The following PITPNM2 variants were observed in gnomAD, a reference collection of about 807,000 sequenced individuals.
PITPNM2 encodes the protein phosphatidylinositol transfer protein membrane associated 2.
In PITPNM2, 35 loss-of-function variants were observed where a neutral mutation model predicts 132.2. That is an observed-to-expected ratio of 0.26 (90% CI 0.20 to 0.35). The LOEUF (loss-of-function observed/expected upper bound fraction) is 0.35, where lower values mean the gene tolerates loss of function less well. PITPNM2 is among the 10% of genes least tolerant of loss of function. PITPNM2 has a pLI of 1.00. For synonymous variants in PITPNM2, 738 were observed against 799.2 expected (o/e 0.92, Z 1.29); for missense variants, 1,332 against 1,912.0 (o/e 0.70, Z 5.66).
intron 1 of PITPNM2, among the ~76,000 whole-genome samples, chr12:123,140,353 T>G (rs1384692612): frequency 6.6e-6 from 1 of 152,140 alleles, no homozygotes; most frequent in Non-Finnish European, 1.5e-5. Flanking sequence ...AGCCACCAGT[T>G]CCAGCCTCCT....
At position 123,009,779 on chromosome 12, in the gene PITPNM2, G is replaced by T; in HGVS notation, c.643+71C>A. The T allele has an allele frequency of 7.2e-7, 1 of 1,395,104 alleles. No individual in the cohort carries two copies. 86.4% of individuals were successfully genotyped at this position (1,395,104 alleles called of 1,614,324 possible). A position where few individuals can be genotyped will look rare whatever the true frequency, so the allele number is the denominator to read the frequency against. On this transcript the variant is annotated intron_variant, in intron 6 of 25. Coordinates refer to ENST00000320201, the MANE Select transcript of PITPNM2 (RefSeq NM_020845.3). The surrounding 1 kb of genome is among the most constrained non-coding windows in gnomAD (Gnocchi z 4.8). ...GGCAGACATGCAAAGAGAGGAGGCA[G>T]ACAGGCAGGTGACAGGAGACAGAGG...
At chr12:122,988,963 A>C in intron 18 of PITPNM2, 91 bp from the exon 19 acceptor site, 1 of 1,355,372 alleles carries the variant, frequency 7.4e-7, no homozygotes, top group African/African-American at 1.5e-5. Context: ...TGCTCAGCCC[A>C]GCACAGTCCC....
intron 1 of PITPNM2, among the ~76,000 whole-genome samples, chr12:123,139,241 C>G (rs1033769740): frequency 6.6e-6 from 1 of 152,156 alleles, no homozygotes; most frequent in African/African-American, 2.4e-5. Context: ...TGGCTCACAC[C>G]TGTAATCCCA....
At chr12:123,151,665 G>C (rs1024363999), upstream of PITPNM2, among the ~76,000 whole-genome samples, 1 of 152,100 alleles carries the variant, frequency 6.6e-6, no homozygotes, top group South Asian at 2.1e-4. Context: ...AGAGGATCAC[G>C]AACAGTTTAA....
chr12:123,109,803 C>T (rs922545667), intron 2 of PITPNM2, among the ~76,000 whole-genome samples: 2 of 152,214 alleles, frequency 1.3e-5, no homozygotes, highest in Admixed American at 6.5e-5. Context: ...CCGTTGGGGC[C>T]TCAAAGGCTG....
At chr12:123,056,314 G>A (rs1318141381) in intron 2 of PITPNM2, among the ~76,000 whole-genome samples, 1 of 152,234 alleles carries the variant, frequency 6.6e-6, no homozygotes, top group African/African-American at 2.4e-5. Flanking sequence ...CTTAGCCGGA[G>A]CTTTCAGGCA....
At position 123,141,994 on chromosome 12, in the gene PITPNM2, C is replaced by G. The variant is rs2043515819; in HGVS notation, c.-200+8759G>C. 1.3e-5 allele frequency among the ~76,000 whole-genome samples: 2 copies of G among 152,090 alleles called. 1 individual carries two copies. The highest frequency in any genetic ancestry group is 1.3e-4 in the Admixed American group (2 of 15,272). On this transcript the variant is annotated intron_variant, in intron 1 of 25. Transcript: ENST00000320201. ...ACAGAACATTCCTCAGGAAAGAGAACTTTTAGTGGGGGTGTGGTGGGGAGG... is the reference window on the plus strand; with the variant it reads ...ACAGAACATTCCTCAGGAAAGAGAAGTTTTAGTGGGGGTGTGGTGGGGAGG...
rs1253635321 is a variant in PITPNM2, at chr12:123,009,193, C to T, written c.643+657G>A. On this transcript the variant is annotated intron_variant, in intron 6 of 25. Coordinates refer to ENST00000320201, the MANE Select transcript of PITPNM2 (RefSeq NM_020845.3). The surrounding 1 kb of genome is among the most constrained non-coding windows in gnomAD (Gnocchi z 4.8). ...GCTGGGGTGCCTTTTGGGTCATGGG[C>T]CTCAGGGACCGGAACCAGCTCTTGG... is the stretch of plus-strand genomic sequence containing the variant. Among the ~76,000 whole-genome samples the T allele has an allele frequency of 6.6e-6, 1 of 152,164 alleles. No individual in the cohort carries two copies. Among genetic ancestry groups the T allele is most frequent in the Non-Finnish European group, 1.5e-5 (1 of 68,030 alleles).
intron 3 of PITPNM2, among the ~76,000 whole-genome samples, chr12:123,029,823 GT>G (rs2040010164): frequency 7.5e-6 from 1 of 133,662 alleles, no homozygotes; most frequent in Non-Finnish European, 1.6e-5. Context: ...ACACACATAT[GT>G]GTCTGTGTGT....
chr12:123,022,265 C>T lies in PITPNM2; in HGVS notation c.79-8223G>A, dbSNP rs998692821. On this transcript the variant is annotated intron_variant, in intron 3 of 25. Transcript: ENST00000320201. The surrounding 1 kb of genome is among the most constrained non-coding windows in gnomAD (Gnocchi z 4.9). ...GCTAAAAGGACAGGGCAGAGGAGTG[C>T]AGCTGGGTCTCAGCTGTGCCTCTGA... Among the ~76,000 whole-genome samples, 8 of 152,162 alleles carry T rather than the reference C, an allele frequency of 5.3e-5. No individual in the cohort carries two copies. The highest frequency in any genetic ancestry group is 1.2e-4 in the Non-Finnish European group (8 of 68,036).
At position 122,996,510 on chromosome 12, in the gene PITPNM2, G is replaced by A. The variant is rs773679810; in HGVS notation, c.1730C>T (p.Pro577Leu). Residue 577 changes from proline to leucine, a missense_variant, in exon 13 of 26, where the codon CCG (proline) becomes CTG (leucine). By Grantham distance (98) the Pro-to-Leu change is moderately conservative. Coordinates refer to ENST00000320201, the MANE Select transcript of PITPNM2 (RefSeq NM_020845.3). ...GCTGCTGCTCTGACTCTCAGACACC[G>A]GCTGGTTACTGTAGCACAGGGCATC... ...AFDALCYSNQ[P>L]VSESQSSSRR... The A allele has an allele frequency of 1.7e-5, 28 of 1,612,982 alleles. No homozygotes were observed. Among genetic ancestry groups the A allele is most frequent in the African/African-American group, 6.7e-5 (5 of 74,922 alleles).
chr12:123,056,636 C>T (rs1010665750), intron 2 of PITPNM2, among the ~76,000 whole-genome samples: 1 of 152,094 alleles, frequency 6.6e-6, no homozygotes, highest in Admixed American at 6.5e-5. Flanking sequence ...CTTCTTCTAA[C>T]AAGCCCTCCT....
intron 3 of PITPNM2, among the ~76,000 whole-genome samples, chr12:123,018,206 A>T (rs2039518689): frequency 6.6e-6 from 1 of 151,854 alleles, no homozygotes. Flanking sequence ...AGTAGCTGAG[A>T]CTACAGGACC....
chr12:123,104,012 C>A (rs980637956), intron 2 of PITPNM2, among the ~76,000 whole-genome samples: 1 of 152,114 alleles, frequency 6.6e-6, no homozygotes, highest in African/African-American at 2.4e-5. Flanking sequence ...CCGGGTTGAA[C>A]CTCCGGGTTC....
intron 3 of PITPNM2, chr12:123,021,662 T>A (rs1206424730): frequency 1.0e-6 from 1 of 984,730 alleles, no homozygotes; most frequent in Non-Finnish European, 1.2e-6. Context: ...TCCCTGAGGA[T>A]GTGGGGCATG....
At chr12:123,112,570 GCT>G (rs1249986308) in intron 1 of PITPNM2, among the ~76,000 whole-genome samples, 2 of 133,828 alleles carry the variant, frequency 1.5e-5, no homozygotes, top group African/African-American at 5.7e-5. Flanking sequence ...ATGGAGTCTT[GCT>G]CTGTCACCCA....
chr12:123,071,854 T>C lies in PITPNM2; in HGVS notation c.-95-37169A>G, dbSNP rs1322898155. 2.0e-5 allele frequency among the ~76,000 whole-genome samples: 3 copies of C among 152,108 alleles called. No individual in the cohort carries two copies. The East Asian group carries it at 5.8e-4, about 29-fold the overall frequency. On this transcript the variant is annotated intron_variant, in intron 2 of 25. Transcript: ENST00000320201. The stretch of plus-strand genomic sequence containing the variant: ...AGCCAGGACTCAAAACCCGAGCCTA[T>C]ATGACTACCAAGTTTTGCTCTTCTA...
chr12:122,995,027 C>T, intron 14 of PITPNM2, 48 bp from the exon 15 acceptor site: 1 of 1,512,394 alleles, frequency 6.6e-7, no homozygotes, highest in Non-Finnish European at 8.9e-7. Context: ...CAGCTGCCAT[C>T]ATCTGCCACG....
Position 122,987,306 on chromosome 12 carries a change from G to C in PITPNM2, c.3388C>G (p.Arg1130Gly). 2 of 1,611,866 alleles carry C rather than the reference G, an allele frequency of 1.2e-6. No individual in the cohort carries two copies. The highest frequency in any genetic ancestry group is 1.7e-6 in the Non-Finnish European group (2 of 1,180,008). The change falls in exon 23 of 26, where the codon CGG (arginine) becomes GGG (glycine). Residue 1130 changes from arginine (R) to glycine (G), a missense_variant. Physicochemically the swap from Arg to Gly is moderately radical, Grantham distance 125. Transcript: ENST00000320201. The stretch of plus-strand genomic sequence containing the variant: ...CGCACCACGTCCACGGCCCCGGCCC[G>C]CACCTTGGGGTCGCTGCCCATGATG... ...VSIMGSDPKV[R>G]AGAVDVVRHW...
Sources: allele counts gnomAD v4.1 joint callset (sites outside exome capture counted in the v4.1 genomes callset), GRCh38; gene constraint gnomAD v4.1.1; non-coding constraint Gnocchi (gnomAD v3.1); transcripts MANE v1.5; gene names NCBI Gene and HGNC (gene_info 2026-07-23, HGNC 2026-07-21).